The following SLIT3 variants were observed in gnomAD, a reference collection of about 807,000 sequenced individuals.
SLIT3 encodes slit homolog 3 protein.
A neutral mutation model predicts 184.0 loss-of-function variants in SLIT3; 68 were observed. The ratio of observed to expected loss-of-function variants is 0.37; its 90% CI spans 0.30 to 0.45. The LOEUF (loss-of-function observed/expected upper bound fraction) is 0.45, where lower values mean the gene tolerates loss of function less well. SLIT3 is among the 20% of genes least tolerant of loss of function. The pLI, the probability that SLIT3 is intolerant of heterozygous loss-of-function variation, is 1.00. For synonymous variants in SLIT3, 831 were observed against 828.6 expected, an observed-to-expected ratio of 1.00 and a Z score of -0.05; for missense variants, 1,707 against 2,026.0, an observed-to-expected ratio of 0.84 and a Z score of 3.02.
At chr5:169,192,364 C>A (rs1285005598) in intron 4 of SLIT3, among the ~76,000 whole-genome samples, 3 of 151,938 alleles carry the variant, frequency 2.0e-5, no homozygotes, top group Non-Finnish European at 4.4e-5. Flanking sequence ...ACCAGCCAAC[C>A]CTTGCCTGTT....
At chr5:168,708,319 T>C (rs1470852110) in intron 25 of SLIT3, 1 of 603,976 alleles carries the variant, frequency 1.7e-6, no homozygotes, top group East Asian at 2.8e-5. Context: ...TGGGACATCA[T>C]TCAGAAACAC....
At chr5:168,900,225 T>G (rs920419687) in intron 4 of SLIT3, among the ~76,000 whole-genome samples, 1 of 152,188 alleles carries the variant, frequency 6.6e-6, no homozygotes, top group African/African-American at 2.4e-5. Context: ...GAAAACAGTA[T>G]GGTGATTTCT....
intron 4 of SLIT3, among the ~76,000 whole-genome samples, chr5:169,006,398 C>T (rs878949051): frequency 3.3e-5 from 5 of 152,220 alleles, no homozygotes; most frequent in South Asian, 2.1e-4. Context: ...CTTAACAACA[C>T]GACTCCCTGT....
At chr5:168,739,241 G>A (rs539092392) in intron 20 of SLIT3, among the ~76,000 whole-genome samples, 9 of 152,194 alleles carry the variant, frequency 5.9e-5, no homozygotes, top group African/African-American at 1.7e-4. Context: ...CATTCAAAGC[G>A]TAAGACAGAT....
intron 8 of SLIT3, among the ~76,000 whole-genome samples, chr5:168,807,312 T>C (rs1478565533): frequency 6.6e-6 from 1 of 152,216 alleles, no homozygotes; most frequent in Non-Finnish European, 1.5e-5. Flanking sequence ...ACATATCCAT[T>C]ACTAACCCAA....
At chr5:169,196,218 TGTTTTGAGTA>T (rs1763738600) in intron 3 of SLIT3, among the ~76,000 whole-genome samples, 1 of 152,054 alleles carries the variant, frequency 6.6e-6, no homozygotes, top group African/African-American at 2.4e-5. Flanking sequence ...TCTATTTTTA[TGTTTTGAGTA>T]GTTCCCATGT....
chr5:169,100,956 G>T lies in SLIT3; in HGVS notation c.413+92523C>A, dbSNP rs556737312. Among the ~76,000 whole-genome samples the T allele has an allele frequency of 1.7e-3, 258 of 152,276 alleles. 1 individual carries two copies. Among genetic ancestry groups the T allele is most frequent in the South Asian group, 3.3e-3 (16 of 4,820 alleles). The stretch of plus-strand genomic sequence containing the variant: ...TCCTTCTGTGTTTTTTAAATAAGTA[G>T]CCCAGCATGGGAGTCAGCGTGAAAG... On this transcript the variant is annotated intron_variant, in intron 4 of 35. Transcript: ENST00000519560.
chr5:169,248,427 T>C (rs1297451059), intron 2 of SLIT3, among the ~76,000 whole-genome samples: 2 of 152,104 alleles, frequency 1.3e-5, no homozygotes, highest in East Asian at 3.9e-4. Context: ...GATCAGTGAA[T>C]GAATGAGCTA....
intron 4 of SLIT3, among the ~76,000 whole-genome samples, chr5:169,075,222 ATCTTT>A (rs1429058688): frequency 2.0e-5 from 3 of 152,204 alleles, no homozygotes; most frequent in African/African-American, 7.2e-5. Flanking sequence ...CATTTTAGTC[ATCTTT>A]TCTTATTCTA....
intron 20 of SLIT3, among the ~76,000 whole-genome samples, chr5:168,746,464 GTGC>G (rs1763823104): frequency 9.2e-6 from 1 of 108,696 alleles, no homozygotes; most frequent in Non-Finnish European, 1.9e-5. Context: ...GTGTGGTGGT[GTGC>G]GGTGGTGTGG....
At chr5:168,805,711 C>T (rs1216085267) in intron 9 of SLIT3, among the ~76,000 whole-genome samples, 1 of 152,162 alleles carries the variant, frequency 6.6e-6, no homozygotes, top group East Asian at 1.9e-4. Flanking sequence ...TAAAAATGAT[C>T]TAATCTAGAG....
intron 5 of SLIT3, among the ~76,000 whole-genome samples, chr5:168,881,939 C>T (rs942416782): frequency 3.3e-5 from 5 of 152,206 alleles, no homozygotes; most frequent in Non-Finnish European, 7.3e-5. Context: ...CAGCAGCAGG[C>T]GGCCTCCTTG....
At chr5:168,992,096 C>T (rs569877461) in intron 4 of SLIT3, among the ~76,000 whole-genome samples, 2 of 152,360 alleles carry the variant, frequency 1.3e-5, no homozygotes, top group South Asian at 2.1e-4. Context: ...TGGCCCAAAG[C>T]CATTGCCTTT....
chr5:168,943,435 C>G (rs1470898708), intron 4 of SLIT3, among the ~76,000 whole-genome samples: 1 of 152,210 alleles, frequency 6.6e-6, no homozygotes, highest in Non-Finnish European at 1.5e-5. Context: ...ACTGAACGTA[C>G]TTTGTGTTTA....
intron 4 of SLIT3, among the ~76,000 whole-genome samples, chr5:169,139,756 G>T (rs1761654885): frequency 1.3e-5 from 2 of 152,178 alleles, no homozygotes; most frequent in Non-Finnish European, 2.9e-5. Flanking sequence ...AGGCACTTCT[G>T]GGAAGAATGG....
At chr5:169,001,287 T>C (rs957647112) in intron 4 of SLIT3, among the ~76,000 whole-genome samples, 2 of 152,158 alleles carry the variant, frequency 1.3e-5, no homozygotes, top group Admixed American at 1.3e-4. Flanking sequence ...CTGAGAAAAA[T>C]GAAAAGTTCT....
At position 169,215,022 on chromosome 5, in the gene SLIT3, G is replaced by A. The variant is rs188490557; in HGVS notation, c.342-21472C>T. On this transcript the variant is annotated intron_variant, in intron 3 of 35. Transcript: ENST00000519560. ...TCTCGCTCCTCACCCTTCCACTTAA[G>A]CCTTAAATCCACCTTTATTGCAGAA... Among the ~76,000 whole-genome samples the A allele has an allele frequency of 4.0e-4, 61 of 152,196 alleles. No individual in the cohort carries two copies. The East Asian group carries it at 6.6e-3, about 16-fold the overall frequency.
intron 4 of SLIT3, chr5:168,994,266 G>A (rs1026609161): frequency 6.6e-6 from 1 of 152,208 alleles, no homozygotes; most frequent in Non-Finnish European, 1.5e-5. Flanking sequence ...CTCTGCTGCT[G>A]GAGCTGGTGA....
At chr5:168,724,083 G>A (rs1033239528) in intron 21 of SLIT3, among the ~76,000 whole-genome samples, 5 of 152,142 alleles carry the variant, frequency 3.3e-5, no homozygotes, top group African/African-American at 4.8e-5. Flanking sequence ...TCCCAACAAC[G>A]AATAATTAAC....
Sources: gnomAD v4.1 joint callset for allele counts (sites outside exome capture counted in the v4.1 genomes callset) on GRCh38, gnomAD v4.1.1 for gene constraint, MANE v1.5 for transcripts, NCBI Gene and HGNC (gene_info 2026-07-23, HGNC 2026-07-21) for gene names.